Variants in PACS2 observed in about 807,000 individuals in gnomAD.
The protein encoded by PACS2 is PACS1-like protein.
In PACS2, 36 loss-of-function variants were observed where a neutral mutation model predicts 113.0. The ratio of observed to expected loss-of-function variants is 0.32; its 90% CI spans 0.24 to 0.42. PACS2 has a LOEUF of 0.42. PACS2 is among the 10% of genes least tolerant of loss of function. The pLI, the probability that PACS2 is intolerant of heterozygous loss-of-function variation, is 1.00. For synonymous variants in PACS2, 589 were observed against 536.1 expected (o/e 1.10, Z -1.36); for missense variants, 1,015 against 1,239.5 (o/e 0.82, Z 2.72).
At chr14:105,306,535 C>T (rs1229670000) in intron 1 of PACS2, among the ~76,000 whole-genome samples, 3 of 152,016 alleles carry the variant, frequency 2.0e-5, no homozygotes, top group Admixed American at 6.6e-5. Context: ...GATCTCCTGA[C>T]CTCGTGATCT....
At chr14:105,374,689 ACC>A in intron 8 of PACS2, 1 of 152,302 alleles carries the variant, frequency 6.6e-6, no homozygotes, top group African/African-American at 2.4e-5. Context: ...AATTACCCTG[ACC>A]AGCTGCAATG....
upstream of PACS2, among the ~76,000 whole-genome samples, chr14:105,314,164 C>G (rs1489281673): frequency 6.6e-6 from 1 of 152,154 alleles, no homozygotes; most frequent in Non-Finnish European, 1.5e-5. Flanking sequence ...TCCCTGCGTC[C>G]CGGGGAACCC....
intron 8 of PACS2, chr14:105,370,513 G>C (rs2061111573): frequency 6.6e-6 from 1 of 151,992 alleles, no homozygotes; most frequent in Non-Finnish European, 1.5e-5. Context: ...AGGAGTTTGA[G>C]ACCAGCCTGG....
intron 18 of PACS2, among the ~76,000 whole-genome samples, 182 bp from the exon 19 acceptor site, chr14:105,385,503 C>G (rs1270507196): frequency 6.6e-6 from 1 of 152,186 alleles, no homozygotes; most frequent in African/African-American, 2.4e-5. Context: ...CGCCACTGTC[C>G]CACACCTTCC....
At position 105,323,658 on chromosome 14, in the gene PACS2, G is replaced by A. The variant is rs1434840682; in HGVS notation, c.119+8621G>A. Among the ~76,000 whole-genome samples the A allele has an allele frequency of 6.6e-6, 1 of 152,246 alleles. No homozygotes were observed. The highest frequency in any genetic ancestry group is 1.5e-5 in the Non-Finnish European group (1 of 68,046). On this transcript the variant is annotated intron_variant, in intron 1 of 24. Coordinates refer to ENST00000447393, the MANE Select transcript of PACS2 (RefSeq NM_001100913.3). This position sits in a 1 kb window ranked among gnomAD's most constrained non-coding sequence, Gnocchi z 4.1. ...TGGAGTGGTGGACCACACTGGAGGT[G>A]GAGATTGCCTCAGGGTGTGCAGGTG...
intron 1 of PACS2, among the ~76,000 whole-genome samples, chr14:105,334,385 C>G (rs2059422042): frequency 6.6e-6 from 1 of 152,214 alleles, no homozygotes; most frequent in African/African-American, 2.4e-5. Flanking sequence ...TGGCTCTGTC[C>G]TGAGCAGCAG....
upstream of PACS2, among the ~76,000 whole-genome samples, chr14:105,309,657 G>A (rs1293861877): frequency 6.6e-6 from 1 of 152,182 alleles, no homozygotes; most frequent in East Asian, 1.9e-4. The surrounding 1 kb of genome is among the most constrained non-coding windows in gnomAD (Gnocchi z 4.0). Context: ...AGGGAGCTGC[G>A]CTGCCTGCGC....
intron 4 of PACS2, 81 bp from the exon 5 acceptor site, chr14:105,367,132 C>G: frequency 7.5e-7 from 1 of 1,340,878 alleles, no homozygotes; most frequent in Non-Finnish European, 1.0e-6. Flanking sequence ...GAAAGCCCTT[C>G]AGAAACCCCA....
intron 1 of PACS2, among the ~76,000 whole-genome samples, chr14:105,321,433 G>A (rs587754530): frequency 1.3e-5 from 2 of 152,146 alleles, no homozygotes; most frequent in African/African-American, 4.8e-5. Context: ...GACGATCACA[G>A]CTCACTGTAG....
intron 1 of PACS2, among the ~76,000 whole-genome samples, chr14:105,322,654 C>G (rs75452817): frequency 0.016 from 2,462 of 152,284 alleles, 85 homozygotes; most frequent in African/African-American, 0.055. Flanking sequence ...TATTCTAATC[C>G]AACCCTTTCA....
At chr14:105,335,433 G>A (rs925684321) in intron 1 of PACS2, among the ~76,000 whole-genome samples, 5 of 152,076 alleles carry the variant, frequency 3.3e-5, no homozygotes, top group Admixed American at 6.5e-5. Flanking sequence ...TGTGGCCGGC[G>A]CCTGGCGTGG....
rs1555408171 is a variant in PACS2, at chr14:105,367,275, C to G, written c.486C>G (p.Ala162=). The G allele has an allele frequency of 1.2e-6, 2 of 1,613,248 alleles. No individual in the cohort carries two copies. Among genetic ancestry groups the G allele is most frequent in the Non-Finnish European group, 1.7e-6 (2 of 1,179,986 alleles). ...GCCTCTGCAGCAGCATCAAGGAGGC[C>G]CCCGTCAAGGCGGCCGAGATCTGGA... The part of the protein sequence containing the change: ...VLSLCSSIKE[A]PVKAAEIWIA... Residue 162 remains alanine (A), a synonymous_variant, in exon 5 of 25, where the codon GCC becomes GCG. Coordinates refer to ENST00000447393, the MANE Select transcript of PACS2 (RefSeq NM_001100913.3).
rs782768000 is a variant in PACS2 at position 105,368,531 on chromosome 14, A to G, written c.733A>G (p.Met245Val). Residue 245 changes from methionine to valine, a missense_variant, in exon 7 of 25, where the codon ATG becomes GTG. This residue lies in a region of PACS2 where 859 missense variants were observed against 1,056.8 expected (regional missense o/e 0.81). Transcript: ENST00000447393. ...QRRSIVRTTS[M>V]TRQQNFKQKV... ...GAGATCGATTGTAAGAACGACGTCC[A>G]TGACCAGGGTTGGTGGAGACTGCTT... The G allele has an allele frequency of 1.9e-5, 31 of 1,613,272 alleles. No homozygotes were observed. The highest frequency in any genetic ancestry group is 2.5e-5 in the Non-Finnish European group (29 of 1,179,388).
At chr14:105,385,073 G>T in intron 18 of PACS2, 86 bp downstream of exon 18, 1 of 866,902 alleles carries the variant, frequency 1.2e-6, no homozygotes, top group Non-Finnish European at 1.9e-6. Flanking sequence ...GCTGGGCTTG[G>T]CCTGGTGGGC....
At chr14:105,384,839 T>G (rs2081118902) in intron 17 of PACS2, 40 bp from the exon 18 acceptor site, 1 of 1,285,092 alleles carries the variant, frequency 7.8e-7, no homozygotes, top group Non-Finnish European at 1.1e-6. Context: ...CAACCCCACC[T>G]GGCACCAGCC....
In PACS2 at chr14:105,329,770, C is replaced by G. The variant is rs2059235615; in HGVS notation, c.119+14733C>G. Among the ~76,000 whole-genome samples, 1 of 152,220 alleles carries G rather than the reference C, an allele frequency of 6.6e-6. No homozygotes were observed. The highest frequency in any genetic ancestry group is 1.5e-5 in the Non-Finnish European group (1 of 68,042). On this transcript the variant is annotated intron_variant, in intron 1 of 24. Coordinates refer to ENST00000447393, the MANE Select transcript of PACS2 (RefSeq NM_001100913.3). This position sits in a 1 kb window ranked among gnomAD's most constrained non-coding sequence, Gnocchi z 6.4. ...CCCGGACTGCAGGCAGCAGCAAACT[C>G]TGCCGTGTGGTACTGCTTCTCATGG...
chr14:105,352,011 G>A (rs1447971870), intron 2 of PACS2, among the ~76,000 whole-genome samples: 1 of 152,188 alleles, frequency 6.6e-6, no homozygotes, highest in Non-Finnish European at 1.5e-5. Context: ...AACCAGAAGA[G>A]GCTTGGTGCC....
chr14:105,390,739 A>G (rs918295158), intron 20 of PACS2: 13 of 191,146 alleles, frequency 6.8e-5, no homozygotes, highest in South Asian at 5.2e-4. Context: ...CGGCTGCCCA[A>G]AGAGCTTTCT....
chr14:105,341,573 C>CA (rs1555401605), intron 1 of PACS2, among the ~76,000 whole-genome samples: 1 of 152,198 alleles, frequency 6.6e-6, no homozygotes, highest in East Asian at 1.9e-4. Flanking sequence ...CTCTCAGGGC[C>CA]AAGTGTGGTG....
Sources: gnomAD v4.1 joint callset for allele counts (sites outside exome capture counted in the v4.1 genomes callset) on GRCh38, gnomAD v4.1.1 for gene constraint, gnomAD v4.1.1 regional missense constraint, Gnocchi (gnomAD v3.1) non-coding constraint, MANE v1.5 for transcripts, NCBI Gene and HGNC (gene_info 2026-07-23, HGNC 2026-07-21) for gene names.